The following SERPINE3 variants were observed in gnomAD, a reference collection of about 807,000 sequenced individuals.
SERPINE3 encodes serpin E3.
Under a neutral mutation model 41.7 loss-of-function variants are expected in SERPINE3, and 43 were observed. The observed-to-expected ratio is 1.03, with a 90% CI of 0.81 to 1.33. The LOEUF is 1.33. SERPINE3 is among the 40% of genes most tolerant of loss of function. The probability of loss-of-function intolerance (pLI) is 0.00; values close to 1 mark genes in which losing one functional copy is unlikely to be tolerated. For synonymous variants in SERPINE3, 200 were observed against 192.2 expected, an observed-to-expected ratio of 1.04 and a Z score of -0.34; for missense variants, 440 against 491.7, an observed-to-expected ratio of 0.89 and a Z score of 0.99.
In SERPINE3 at chr13:51,348,254, G is replaced by T. The variant is rs756026092; in HGVS notation, c.742G>T (p.Glu248Ter). ...TGCAGGCCATCAGGTGGGGGTGCTG[G>T]AGCTTCCTTACCTGGGAAGTGCAGT... is the stretch of plus-strand genomic sequence containing the variant. Reference protein sequence around the residue: ...DTAGHQVGVLELPYLGSAVSL... With the variant: ...DTAGHQVGVL Residue 248 changes from glutamate (E) to a stop codon, truncating the protein, a stop_gained, in exon 6 of 10, where the codon GAG (glutamate) becomes TAG (stop). Transcript: ENST00000681248. LOFTEE classifies it high-confidence loss of function. The T allele has an allele frequency of 6.9e-6, 11 of 1,605,512 alleles. No homozygotes were observed. In the South Asian group the frequency reaches 1.2e-4, roughly 18 times the overall value.
At chr13:51,359,319 A>G (rs1352947620) in intron 7 of SERPINE3, among the ~76,000 whole-genome samples, 2 of 152,134 alleles carry the variant, frequency 1.3e-5, no homozygotes, top group Admixed American at 1.3e-4. Flanking sequence ...GCAAAACCAT[A>G]GATGACTCCC....
At chr13:51,364,142 T>A in intron 9 of SERPINE3, 97 bp from the exon 10 acceptor site, 1 of 538,192 alleles carries the variant, frequency 1.9e-6, no homozygotes, top group Non-Finnish European at 3.1e-6. Flanking sequence ...AAATGTTATC[T>A]TGCATTACTT....
intron 1 of SERPINE3, among the ~76,000 whole-genome samples, chr13:51,340,330 T>C (rs1444920771): frequency 6.6e-6 from 1 of 152,242 alleles, no homozygotes; most frequent in African/African-American, 2.4e-5. Context: ...CTCTCTTCCT[T>C]GGAAGAGTAC....
At chr13:51,356,088 C>G (rs531028707) in intron 7 of SERPINE3, among the ~76,000 whole-genome samples, 1 of 152,226 alleles carries the variant, frequency 6.6e-6, no homozygotes, top group South Asian at 2.1e-4. Flanking sequence ...ACCAGATTGA[C>G]AGTTACTTAT....
rs764132666 is a variant in SERPINE3, at chr13:51,344,460, C to T, written c.465C>T (p.Ser155=). ...SEPNSTAIQT[S]EGASRETAGG... ...CCAATAGCACCGCCATCCAGACTAG[C>T]GAAGGGGCCTCCAGAGAGACTGCAG... The change falls in exon 4 of 10, where the codon AGC becomes AGT. Residue 155 remains serine (S), a synonymous_variant. Transcript: ENST00000681248. 53 of 1,596,512 alleles carry T rather than the reference C, an allele frequency of 3.3e-5. No homozygotes were observed. The highest frequency in any genetic ancestry group is 1.7e-4 in the Middle Eastern group (1 of 6,054).
At chr13:51,342,962 T>C (rs1437888004) in intron 3 of SERPINE3, among the ~76,000 whole-genome samples, 1 of 152,210 alleles carries the variant, frequency 6.6e-6, no homozygotes, top group Non-Finnish European at 1.5e-5. Flanking sequence ...GCAGCTTCGG[T>C]AGTGAACATA....
intron 4 of SERPINE3, among the ~76,000 whole-genome samples, chr13:51,346,348 G>A (rs924378745): frequency 3.3e-5 from 5 of 152,224 alleles, no homozygotes; most frequent in Admixed American, 3.3e-4. Flanking sequence ...CAATGTGCAG[G>A]ATCTCCCATC....
At chr13:51,346,315 G>A (rs1955344997) in intron 4 of SERPINE3, among the ~76,000 whole-genome samples, 2 of 152,238 alleles carry the variant, frequency 1.3e-5, no homozygotes, top group South Asian at 4.1e-4. Context: ...TCAGCAGCGG[G>A]GCAGGGTGGG....
At chr13:51,348,848 G>GTCCCCCCATGACCCCCTGATCCAGC (rs1439076333) in intron 6 of SERPINE3, among the ~76,000 whole-genome samples, 21 of 150,392 alleles carry the variant, frequency 1.4e-4, no homozygotes, top group South Asian at 4.2e-4. Context: ...ACGTAATTGA[G>GTCCCCCCATGACCCCCTGATCCAGC]CAAGTACAGA....
chr13:51,354,665 G>A (rs1955453088), intron 6 of SERPINE3, among the ~76,000 whole-genome samples: 1 of 151,902 alleles, frequency 6.6e-6, no homozygotes, highest in Admixed American at 6.6e-5. Context: ...TAACATAAAT[G>A]ACACTAATAG....
rs776928337 is a variant in SERPINE3 at position 51,341,089 on chromosome 13, T to C, written c.-3T>C. ...CTGAATTGCAGGAACCCTCCCAGCCTCCATGCCGCCTTTCCTGATCACCCT... is the reference window on the plus strand; with the variant it reads ...CTGAATTGCAGGAACCCTCCCAGCCCCCATGCCGCCTTTCCTGATCACCCT... On this transcript the variant is annotated 5_prime_UTR_variant, in exon 3 of 10. Coordinates refer to ENST00000681248, the MANE Select transcript of SERPINE3 (RefSeq NM_001386375.1). The C allele has an allele frequency of 1.2e-6, 2 of 1,613,416 alleles. No individual in the cohort carries two copies. The highest frequency in any genetic ancestry group is 1.7e-5 in the Admixed American group (1 of 60,018).
chr13:51,357,225 C>T (rs1334302329), intron 7 of SERPINE3, among the ~76,000 whole-genome samples: 2 of 152,162 alleles, frequency 1.3e-5, no homozygotes, highest in Non-Finnish European at 2.9e-5. Flanking sequence ...AAGAGACTAA[C>T]CACTTCTCTG....
intron 7 of SERPINE3, among the ~76,000 whole-genome samples, chr13:51,356,796 T>A (rs1249308260): frequency 1.4e-5 from 2 of 144,268 alleles, no homozygotes; most frequent in East Asian, 4.1e-4. Flanking sequence ...TTTTTTTTTT[T>A]AACGCTATTC....
At chr13:51,360,161 C>A (rs1029994521) in intron 7 of SERPINE3, among the ~76,000 whole-genome samples, 2 of 152,070 alleles carry the variant, frequency 1.3e-5, no homozygotes. Context: ...GCGTGACAAA[C>A]ACAAACCAAT....
Position 51,344,364 on chromosome 13 carries a change from GT to G in SERPINE3, c.370del (p.Ser124ProfsTer66), listed in dbSNP as rs1445373054. On this transcript the variant is annotated frameshift_variant, in exon 4 of 10. Transcript: ENST00000681248. LOFTEE classifies it high-confidence loss of function. ...SLFVQVGTPL[S>X]PCFVEHVSWW... Reference sequence around the variant, plus strand: ...TTTTTGTGCAAGTGGGAACGCCACTGTCCCCCTGCTTTGTGGAGCACGTCTC... The same window carrying G: ...TTTTTGTGCAAGTGGGAACGCCACTGCCCCCTGCTTTGTGGAGCACGTCTC... 1.2e-6 allele frequency: 2 copies of G among 1,613,572 alleles called. No individual in the cohort carries two copies. The highest frequency in any genetic ancestry group is 2.7e-5 in the African/African-American group (2 of 74,902).
rs771017524 is a variant in SERPINE3, at chr13:51,347,154, C to A, written c.620C>A (p.Thr207Lys). Residue 207 changes from threonine to lysine, a missense_variant, in exon 5 of 10, where the codon ACA (threonine) becomes AAA (lysine). Coordinates refer to ENST00000681248, the MANE Select transcript of SERPINE3 (RefSeq NM_001386375.1). ...TWRKRFSSTD[T>K]QILPFTCAYG... ...CGAAAGAGATTCTCCTCCACAGACA[C>A]ACAGATCCTGCCTTTCACCTGTGCC... 6.2e-7 allele frequency: 1 copy of A among 1,613,996 alleles called. No homozygotes were observed. Among genetic ancestry groups the A allele is most frequent in the Admixed American group, 1.7e-5 (1 of 60,032 alleles).
intron 7 of SERPINE3, among the ~76,000 whole-genome samples, chr13:51,357,983 G>GTTA (rs1955506233): frequency 1.3e-5 from 2 of 152,152 alleles, no homozygotes; most frequent in Non-Finnish European, 1.5e-5. Context: ...GAGTATGGAA[G>GTTA]TTATGTAAGT....
intron 4 of SERPINE3, among the ~76,000 whole-genome samples, chr13:51,345,592 CAAAA>C (rs753888958): frequency 2.7e-5 from 1 of 37,018 alleles, no homozygotes; most frequent in Non-Finnish European, 5.6e-5. Flanking sequence ...GATTTCATCT[CAAAA>C]AAAAAAAAAA....
intron 7 of SERPINE3, among the ~76,000 whole-genome samples, chr13:51,360,525 G>A (rs1442990746): frequency 6.6e-6 from 1 of 151,988 alleles, no homozygotes. Flanking sequence ...GTTTAAAAAT[G>A]GTTAATGATT....
Sources: gnomAD v4.1 joint callset for allele counts (sites outside exome capture counted in the v4.1 genomes callset) on GRCh38, gnomAD v4.1.1 for gene constraint, MANE v1.5 for transcripts, NCBI Gene and HGNC (gene_info 2026-07-23, HGNC 2026-07-21) for gene names.